UBE2G1: variants seen among roughly 807,000 people sequenced by gnomAD.
UBE2G1 encodes the protein ubiquitin-conjugating enzyme E2 G1.
UBE2G1 carries 5 observed loss-of-function variants against 22.7 expected under a neutral mutation model. That is an observed-to-expected ratio of 0.22 (90% CI 0.12 to 0.46). The LOEUF is 0.46. Ranked by LOEUF, UBE2G1 falls within the 20% of genes least tolerant of loss-of-function variation. The pLI is 0.99. For missense variants in UBE2G1, 88 were observed against 203.9 expected (o/e 0.43, Z 3.46); for synonymous variants, 74 against 67.5 (o/e 1.10, Z -0.47).
chr17:4,286,906 G>A (rs552650874), intron 4 of UBE2G1, among the ~76,000 whole-genome samples: 1 of 151,962 alleles, frequency 6.6e-6, no homozygotes, highest in Non-Finnish European at 1.5e-5. Flanking sequence ...ATTGCTGGGC[G>A]TGGTTCCGCA....
chr17:4,294,233 T>A (rs932049660), intron 3 of UBE2G1, among the ~76,000 whole-genome samples: 2 of 151,944 alleles, frequency 1.3e-5, no homozygotes, highest in Admixed American at 1.3e-4. Context: ...CTGTCCAACA[T>A]GGTGAAACCC....
At position 4,295,652 on chromosome 17, in the gene UBE2G1, A is replaced by C. The variant is rs559247785; in HGVS notation, c.247+1065T>G. Among the ~76,000 whole-genome samples the C allele has an allele frequency of 3.7e-4, 56 of 152,350 alleles. 1 individual carries two copies. In the South Asian group the frequency reaches 0.011, roughly 29 times the overall value. The stretch of plus-strand genomic sequence containing the variant: ...TGATTACATAGTCAAAATAATTAGA[A>C]AAGAAATCTCTGCAAGTTCTATCAT... On this transcript the variant is annotated intron_variant, in intron 3 of 5. Coordinates refer to ENST00000396981, the MANE Select transcript of UBE2G1 (RefSeq NM_003342.5).
intron 1 of UBE2G1, among the ~76,000 whole-genome samples, chr17:4,359,502 CA>C (rs1331747260): frequency 6.6e-6 from 1 of 152,204 alleles, no homozygotes; most frequent in Admixed American, 6.5e-5. Context: ...TCTACAGCAA[CA>C]GCAATACAGT....
intron 1 of UBE2G1, chr17:4,364,349 G>A (rs1257013434): frequency 7.2e-5 from 3 of 41,708 alleles, no homozygotes; most frequent in African/African-American, 2.7e-4. Context: ...GGAGTGCAGT[G>A]GCGCCATCTC....
intron 1 of UBE2G1, among the ~76,000 whole-genome samples, chr17:4,338,395 T>C (rs1471468300): frequency 6.6e-6 from 1 of 152,140 alleles, no homozygotes; most frequent in Non-Finnish European, 1.5e-5. Context: ...TGGGAAAATA[T>C]AAATTGTCAA....
chr17:4,301,803 T>C (rs545126839), intron 2 of UBE2G1: 2 of 562,776 alleles, frequency 3.6e-6, no homozygotes, highest in South Asian at 1.5e-5. Flanking sequence ...TTAAACCTGG[T>C]GTCTGGACTC....
chr17:4,300,946 A>AT (rs1555520734), intron 2 of UBE2G1, among the ~76,000 whole-genome samples: 1 of 151,518 alleles, frequency 6.6e-6, no homozygotes. Context: ...ACAAAAAAAA[A>AT]AGAGAGAGAG....
At chr17:4,345,143 T>C (rs754040488) in intron 1 of UBE2G1, among the ~76,000 whole-genome samples, 1 of 152,102 alleles carries the variant, frequency 6.6e-6, no homozygotes, top group Non-Finnish European at 1.5e-5. Context: ...CAGCCAGAAA[T>C]ACAAGGAAGT....
intron 2 of UBE2G1, among the ~76,000 whole-genome samples, chr17:4,306,290 GT>G (rs1385273186): frequency 6.6e-6 from 1 of 152,092 alleles, no homozygotes; most frequent in African/African-American, 2.4e-5. Context: ...CTGAGTTCAA[GT>G]GATTCTCCTG....
intron 2 of UBE2G1, among the ~76,000 whole-genome samples, chr17:4,298,978 C>G (rs978665555): frequency 1.3e-5 from 2 of 152,106 alleles, no homozygotes; most frequent in African/African-American, 4.8e-5. Context: ...ATCTACTGAT[C>G]CTGTTGCTCT....
At chr17:4,307,209 T>A in intron 1 of UBE2G1, 86 bp from the exon 2 acceptor site, 1 of 1,159,124 alleles carries the variant, frequency 8.6e-7, no homozygotes, top group Non-Finnish European at 1.3e-6. Context: ...GCGTACATGT[T>A]TTATGTAAGT....
chr17:4,329,357 C>G lies in UBE2G1; in HGVS notation c.47-22234G>C, dbSNP rs779583178. Among the ~76,000 whole-genome samples the G allele has an allele frequency of 3.4e-4, 52 of 151,670 alleles. 1 individual carries two copies. Among genetic ancestry groups the G allele is most frequent in the Admixed American group, 1.4e-3 (21 of 15,240 alleles). ...GAGGTTGCAGTGAGCAGAGATCGCACCATTGCACTCCAGCCTGGGTGACAG... is the reference window on the plus strand; with the variant it reads ...GAGGTTGCAGTGAGCAGAGATCGCAGCATTGCACTCCAGCCTGGGTGACAG... On this transcript the variant is annotated intron_variant, in intron 1 of 5. Transcript: ENST00000396981.
intron 2 of UBE2G1, among the ~76,000 whole-genome samples, chr17:4,300,433 C>T (rs1432477957): frequency 6.6e-6 from 1 of 151,956 alleles, no homozygotes; most frequent in Non-Finnish European, 1.5e-5. Flanking sequence ...ATCCCATCTA[C>T]TCAGGAGGCT....
intron 1 of UBE2G1, among the ~76,000 whole-genome samples, chr17:4,316,517 A>C (rs552678824): frequency 1.3e-5 from 2 of 152,298 alleles, no homozygotes; most frequent in South Asian, 4.1e-4. Context: ...TCCATTAATT[A>C]ATACTGAAAA....
chr17:4,294,864 T>C (rs541980332), intron 3 of UBE2G1, among the ~76,000 whole-genome samples: 2 of 151,886 alleles, frequency 1.3e-5, no homozygotes, highest in African/African-American at 4.8e-5. Context: ...GATCATGCCA[T>C]TGCACTGCAG....
chr17:4,307,541 G>C (rs547698552), intron 1 of UBE2G1, among the ~76,000 whole-genome samples: 1 of 152,310 alleles, frequency 6.6e-6, no homozygotes, highest in South Asian at 2.1e-4. Flanking sequence ...CTTTTCATTG[G>C]AATGTACTGC....
chr17:4,306,151 G>A (rs1277600974), intron 2 of UBE2G1, among the ~76,000 whole-genome samples: 1 of 152,140 alleles, frequency 6.6e-6, no homozygotes, highest in African/African-American at 2.4e-5. Flanking sequence ...ACCAGTATTC[G>A]GTGGGGACTC....
chr17:4,349,134 A>C (rs961992210), intron 1 of UBE2G1, among the ~76,000 whole-genome samples: 2 of 152,092 alleles, frequency 1.3e-5, no homozygotes, highest in Non-Finnish European at 2.9e-5. Context: ...CAGCCTGACC[A>C]ACATGGTGAA....
intron 1 of UBE2G1, among the ~76,000 whole-genome samples, chr17:4,361,535 A>AAT (rs1056894221): frequency 1.3e-5 from 2 of 152,162 alleles, no homozygotes; most frequent in Non-Finnish European, 2.9e-5. Flanking sequence ...TCAAAAAAAT[A>AAT]AAAATAAAAT....
Sources: gnomAD v4.1 joint callset for allele counts (sites outside exome capture counted in the v4.1 genomes callset) on GRCh38, gnomAD v4.1.1 for gene constraint, MANE v1.5 for transcripts, NCBI Gene and HGNC (gene_info 2026-07-23, HGNC 2026-07-21) for gene names.